The following DAW1 variants were observed in gnomAD, a reference collection of about 807,000 sequenced individuals.
DAW1 encodes the protein dynein assembly factor with WD repeat domains 1.
Under a neutral mutation model 56.5 loss-of-function variants are expected in DAW1, and 47 were observed. The observed-to-expected ratio is 0.83, with a 90% CI of 0.66 to 1.06. DAW1 has a LOEUF of 1.06. Among genes scored for constraint, DAW1 ranks in the 50% least tolerant of loss-of-function variants. The pLI is 0.00. For synonymous variants in DAW1, 190 were observed against 179.0 expected, an observed-to-expected ratio of 1.06 and a Z score of -0.49; for missense variants, 505 against 499.3, an observed-to-expected ratio of 1.01 and a Z score of -0.11.
intron 1 of DAW1, among the ~76,000 whole-genome samples, chr2:227,879,413 TA>T (rs1690957752): frequency 6.6e-6 from 1 of 152,166 alleles, no homozygotes; most frequent in South Asian, 2.1e-4. Context: ...ATTTTCTTTT[TA>T]AAAATCATTT....
At position 227,921,292 on chromosome 2, in the gene DAW1, G is replaced by A. The variant is rs1259680855; in HGVS notation, c.1051-107G>A. 8 of 1,187,516 alleles carry A rather than the reference G, an allele frequency of 6.7e-6. No individual in the cohort carries two copies. The African/African-American group carries it at 8.6e-5, about 13-fold the overall frequency. The allele number at this position is 1,187,516 out of a possible 1,614,324, so 73.6% of individuals were successfully genotyped here. On this transcript the variant is annotated intron_variant, in intron 11 of 12. Transcript: ENST00000309931. ...AAATACCAGACTAGGAAGGTGACAT[G>A]TGCTGTAATGTCCTTTTTTTTTTTT...
Position 227,903,080 on chromosome 2 carries a change from C to A in DAW1, c.619C>A (p.Gln207Lys), listed in dbSNP as rs1691585245. The part of the protein sequence containing the change: ...MDTTAKLWDI[Q>K]NGEEVYTLRG... ...CACAACAGCCAAATTGTGGGACATTCAGAATGGCGAGGAAGTTTACACCTT... is the reference window on the plus strand; with the variant it reads ...CACAACAGCCAAATTGTGGGACATTAAGAATGGCGAGGAAGTTTACACCTT... The change falls in exon 7 of 13, where the codon CAG (glutamine) becomes AAG (lysine). Residue 207 changes from glutamine (Q) to lysine (K), a missense_variant. By Grantham distance (53) the Gln-to-Lys change is moderately conservative. Transcript: ENST00000309931. 6.2e-7 allele frequency: 1 copy of A among 1,614,092 alleles called. No homozygotes were observed. The highest frequency in any genetic ancestry group is 8.5e-7 in the Non-Finnish European group (1 of 1,179,994).
chr2:227,904,596 A>G (rs1293844685), intron 7 of DAW1, among the ~76,000 whole-genome samples: 1 of 152,182 alleles, frequency 6.6e-6, no homozygotes, highest in East Asian at 1.9e-4. Context: ...AGTGTAAAGG[A>G]CGTCCTCTAG....
Position 227,871,684 on chromosome 2 carries a change from A to C in DAW1, c.-6A>C. 5.0e-6 allele frequency: 8 copies of C among 1,613,614 alleles called. No individual in the cohort carries two copies. Among genetic ancestry groups the C allele is most frequent in the Middle Eastern group, 1.7e-4 (1 of 6,060 alleles). ...GCCCATCGGCCGGGGATAAGAGAGC[A>C]AGAAAATGAAGCTCAAGAGCCTCCT... On this transcript the variant is annotated 5_prime_UTR_variant, in exon 1 of 13. Coordinates refer to ENST00000309931, the MANE Select transcript of DAW1 (RefSeq NM_178821.3).
intron 1 of DAW1, among the ~76,000 whole-genome samples, chr2:227,878,778 G>A (rs1487627651): frequency 1.3e-5 from 2 of 149,010 alleles, no homozygotes; most frequent in Non-Finnish European, 3.0e-5. Flanking sequence ...CTATTTTCTT[G>A]TTTTTCTCTT....
chr2:227,896,633 T>TGA lies in DAW1; in HGVS notation c.441-1534_441-1533dup, dbSNP rs926180024. ...GTGTGTGTGTGTGTGTGTGTGTGTA[T>TGA]GAGAGAGAGAGAGAGAAAGGAAAAA... On this transcript the variant is annotated intron_variant, in intron 5 of 12. Transcript: ENST00000309931. Among the ~76,000 whole-genome samples the TGA allele has an allele frequency of 7.1e-5, 9 of 126,252 alleles. No homozygotes were observed. In the South Asian group the frequency reaches 1.6e-3, roughly 22 times the overall value. 82.8% of individuals were successfully genotyped at this position (126,252 alleles called of 152,430 possible).
chr2:227,889,902 C>T lies in DAW1; in HGVS notation c.160C>T (p.Leu54=), dbSNP rs1691221082. Residue 54 remains leucine (L), a synonymous_variant, in exon 3 of 13, where the codon CTA becomes TTA. Coordinates refer to ENST00000309931, the MANE Select transcript of DAW1 (RefSeq NM_178821.3). ...AGAAGAAATCCAGAAGGCAGAACCT[C>T]TACTCACAGCTTCACGAACAGAGCA... ...LVEEIQKAEP[L]LTASRTEQVK... 1 of 1,610,298 alleles carries T rather than the reference C, an allele frequency of 6.2e-7. No homozygotes were observed.
intron 1 of DAW1, among the ~76,000 whole-genome samples, chr2:227,883,608 A>T (rs1024464861): frequency 1.1e-4 from 17 of 152,238 alleles, no homozygotes. Flanking sequence ...AAAGGCAATT[A>T]TAATACTCCT....
At chr2:227,921,934 G>A (rs1001512071) in intron 12 of DAW1, among the ~76,000 whole-genome samples, 2 of 152,168 alleles carry the variant, frequency 1.3e-5, no homozygotes, top group Non-Finnish European at 2.9e-5. Context: ...GAGAGGCTGA[G>A]GCAGAAAAAA....
chr2:227,907,260 A>T lies in DAW1; in HGVS notation c.973+8A>T. The T allele has an allele frequency of 6.2e-7, 1 of 1,605,668 alleles. No homozygotes were observed. Among genetic ancestry groups the T allele is most frequent in the East Asian group, 2.2e-5 (1 of 44,780 alleles). On this transcript the variant is annotated splice_region_variant and intron_variant, in intron 10 of 12. Coordinates refer to ENST00000309931, the MANE Select transcript of DAW1 (RefSeq NM_178821.3). Reference sequence around the variant, plus strand: ...CAACTGCTTCAGCTGATGGTAGGTGATCTGTTCATTCTTTTAATTTTTGGA... The same window carrying T: ...CAACTGCTTCAGCTGATGGTAGGTGTTCTGTTCATTCTTTTAATTTTTGGA...
intron 1 of DAW1, among the ~76,000 whole-genome samples, chr2:227,875,885 T>C (rs888595310): frequency 6.6e-6 from 1 of 152,196 alleles, no homozygotes; most frequent in African/African-American, 2.4e-5. Flanking sequence ...AAAATGACAT[T>C]AATGTTTTTG....
chr2:227,877,246 T>C (rs1478953482), intron 1 of DAW1, among the ~76,000 whole-genome samples: 1 of 152,252 alleles, frequency 6.6e-6, no homozygotes, highest in Admixed American at 6.5e-5. Flanking sequence ...TGGCACAATC[T>C]TGGCTTACTG....
At chr2:227,923,162 A>G (rs1390546398) in intron 12 of DAW1, among the ~76,000 whole-genome samples, 2 of 152,208 alleles carry the variant, frequency 1.3e-5, no homozygotes, top group African/African-American at 2.4e-5. Flanking sequence ...TCACTAGACA[A>G]CAGAGCTTAT....
intron 2 of DAW1, among the ~76,000 whole-genome samples, chr2:227,885,821 T>A (rs1044746481): frequency 2.2e-4 from 34 of 152,212 alleles, no homozygotes; most frequent in Non-Finnish European, 4.3e-4. Flanking sequence ...TCAGTTTTTC[T>A]TAGTTTTTCC....
Position 227,904,930 on chromosome 2 carries a change from G to A in DAW1, c.650G>A (p.Gly217Glu). Residue 217 changes from glycine (G) to glutamate (E), a missense_variant and splice_region_variant, in exon 8 of 13, where the codon GGA becomes GAA. Gly to Glu is a moderately conservative substitution (Grantham distance 98, BLOSUM62 -2). Coordinates refer to ENST00000309931, the MANE Select transcript of DAW1 (RefSeq NM_178821.3). ...QNGEEVYTLR[G>E]HSAEIISLSF... ...TGACAGTATCTGCTCTTTTTCTAGG[G>A]ACATTCTGCCGAAATCATCTCCTTG... is the stretch of plus-strand genomic sequence containing the variant. The A allele has an allele frequency of 6.2e-7, 1 of 1,611,700 alleles. No homozygotes were observed. Among genetic ancestry groups the A allele is most frequent in the Non-Finnish European group, 8.5e-7 (1 of 1,178,800 alleles).
intron 10 of DAW1, 141 bp downstream of exon 10, chr2:227,907,393 A>G (rs1344383709): frequency 3.1e-6 from 2 of 643,010 alleles, no homozygotes; most frequent in Non-Finnish European, 2.6e-6. Flanking sequence ...GTGACCATGT[A>G]TGGCACAATA....
At chr2:227,919,602 A>C (rs1353601695) in intron 11 of DAW1, among the ~76,000 whole-genome samples, 1 of 152,230 alleles carries the variant, frequency 6.6e-6, no homozygotes, top group African/African-American at 2.4e-5. Context: ...AATTATAATT[A>C]AAATTAAATT....
In DAW1 at chr2:227,871,878, C is replaced by T. The variant is rs1470382645; in HGVS notation, c.40+149C>T. 6 of 928,324 alleles carry T rather than the reference C, an allele frequency of 6.5e-6. No individual in the cohort carries two copies. The African/African-American group carries it at 6.7e-5, about 10-fold the overall frequency. 57.5% of individuals were successfully genotyped at this position (928,324 alleles called of 1,614,324 possible). A position where few individuals can be genotyped will look rare whatever the true frequency, so the allele number is the denominator to read the frequency against. On this transcript the variant is annotated intron_variant, in intron 1 of 12. Transcript: ENST00000309931. ...CGGGCACTTCCCAACCTGTGCCCCT[C>T]ATTCCTTCAGATGCTGGACTCTTCC...
At chr2:227,907,036 T>C (rs2106206906) in intron 9 of DAW1, 102 bp from the exon 10 acceptor site, 2 of 716,834 alleles carry the variant, frequency 2.8e-6, no homozygotes, top group South Asian at 4.0e-5. Flanking sequence ...GCACAGTTAT[T>C]TAACCAGCCA....
Sources: allele counts gnomAD v4.1 joint callset (sites outside exome capture counted in the v4.1 genomes callset), GRCh38; gene constraint gnomAD v4.1.1; transcripts MANE v1.5; gene names NCBI Gene and HGNC (gene_info 2026-07-23, HGNC 2026-07-21).